Variants in DYNLT2B observed in about 807,000 individuals in gnomAD.
The protein encoded by DYNLT2B is dynein light chain Tctex-type 2B.
DYNLT2B carries 14 observed loss-of-function variants against 19.5 expected under a neutral mutation model. That is an observed-to-expected ratio of 0.72 (90% CI 0.47 to 1.12). DYNLT2B has a LOEUF of 1.12. DYNLT2B is among the 50% of genes most tolerant of loss of function. The probability of loss-of-function intolerance (pLI) is 0.00; values close to 1 mark genes in which losing one functional copy is unlikely to be tolerated. For synonymous variants in DYNLT2B, 70 were observed against 59.7 expected, an observed-to-expected ratio of 1.17 and a Z score of -0.79; for missense variants, 133 against 174.7, an observed-to-expected ratio of 0.76 and a Z score of 1.35.
chr3:196,298,503 AG>A (rs1192689453), intron 3 of DYNLT2B, among the ~76,000 whole-genome samples: 1 of 151,970 alleles, frequency 6.6e-6, no homozygotes, highest in African/African-American at 2.4e-5. Flanking sequence ...TTGTAGAGAC[AG>A]GGTTTCACCA....
Position 196,307,522 on chromosome 3 carries a change from C to T in DYNLT2B, c.248-510G>A, listed in dbSNP as rs138012899. Among the ~76,000 whole-genome samples, 713 of 151,960 alleles carry T rather than the reference C, an allele frequency of 4.7e-3. 8 individuals carry two copies. Among genetic ancestry groups the T allele is most frequent in the African/African-American group, 0.016 (671 of 41,456 alleles). Reference sequence around the variant, plus strand: ...TTCACCATGTTGCCCAGGCTGGTCTCGAACTCCTGACCTCAGGTGATCCAC... The same window carrying T: ...TTCACCATGTTGCCCAGGCTGGTCTTGAACTCCTGACCTCAGGTGATCCAC... On this transcript the variant is annotated intron_variant, in intron 2 of 4. Coordinates refer to ENST00000325318, the MANE Select transcript of DYNLT2B (RefSeq NM_152773.5).
At chr3:196,303,498 CATGTT>C (rs1168177973) in intron 3 of DYNLT2B, among the ~76,000 whole-genome samples, 2 of 152,248 alleles carry the variant, frequency 1.3e-5, no homozygotes, top group Non-Finnish European at 2.9e-5. Context: ...AGTAACATGT[CATGTT>C]GACAGTATGT....
At chr3:196,312,036 A>G (rs1726657136) in intron 2 of DYNLT2B, among the ~76,000 whole-genome samples, 1 of 152,168 alleles carries the variant, frequency 6.6e-6, no homozygotes, top group Non-Finnish European at 1.5e-5. Flanking sequence ...ATGCGCCACC[A>G]CGCCTGGCTA....
intron 4 of DYNLT2B, chr3:196,292,341 C>T (rs6775861): frequency 0.065 from 9,968 of 152,308 alleles, 375 homozygotes; most frequent in South Asian, 0.12. Context: ...AACTCAAGTA[C>T]CTGATGATTA....
In DYNLT2B at chr3:196,307,419, C is replaced by T. The variant is rs548232552; in HGVS notation, c.248-407G>A. Among the ~76,000 whole-genome samples, 64 of 152,266 alleles carry T rather than the reference C, an allele frequency of 4.2e-4. No individual in the cohort carries two copies. The East Asian group carries it at 9.7e-3, about 23-fold the overall frequency. ...CAGGGTTCAAGTGATTCTCCTACCTCAGCCTCCTCAGTAGCTGGGACTACA... is the reference window on the plus strand; with the variant it reads ...CAGGGTTCAAGTGATTCTCCTACCTTAGCCTCCTCAGTAGCTGGGACTACA... On this transcript the variant is annotated intron_variant, in intron 2 of 4. Transcript: ENST00000325318.
chr3:196,306,296 T>G (rs1178560377), intron 3 of DYNLT2B, among the ~76,000 whole-genome samples: 1 of 146,122 alleles, frequency 6.8e-6, no homozygotes, highest in African/African-American at 2.5e-5. Flanking sequence ...GGTGTGGTGG[T>G]GCACACCTGC....
chr3:196,296,214 G>T, intron 3 of DYNLT2B, 145 bp from the exon 4 acceptor site: 1 of 685,706 alleles, frequency 1.5e-6, no homozygotes. Context: ...ACAGAGTATT[G>T]TATTTGTACC....
intron 3 of DYNLT2B, among the ~76,000 whole-genome samples, chr3:196,296,842 G>A (rs961103602): frequency 3.9e-5 from 6 of 152,094 alleles, no homozygotes; most frequent in African/African-American, 1.4e-4. Context: ...TTGAGCCCAG[G>A]AGTTCAGGGA....
At chr3:196,312,309 C>T (rs1407356263) in intron 2 of DYNLT2B, among the ~76,000 whole-genome samples, 1 of 152,056 alleles carries the variant, frequency 6.6e-6, no homozygotes, top group South Asian at 2.1e-4. Flanking sequence ...TGAGCCACCA[C>T]GTCCAGCCAA....
intron 3 of DYNLT2B, among the ~76,000 whole-genome samples, chr3:196,296,560 C>G (rs1475577129): frequency 6.6e-6 from 1 of 152,072 alleles, no homozygotes; most frequent in East Asian, 1.9e-4. Flanking sequence ...TGGCTATTCT[C>G]CTCTCTGCAA....
intron 2 of DYNLT2B, among the ~76,000 whole-genome samples, chr3:196,312,850 C>A (rs879861310): frequency 3.9e-5 from 6 of 152,220 alleles, no homozygotes; most frequent in African/African-American, 4.8e-5. Flanking sequence ...TTTCTGAAAA[C>A]AACTTACAAC....
At chr3:196,314,836 C>CAA (rs902609745) in intron 2 of DYNLT2B, among the ~76,000 whole-genome samples, 4 of 148,792 alleles carry the variant, frequency 2.7e-5, no homozygotes, top group African/African-American at 9.9e-5. Flanking sequence ...CAAAACAAAA[C>CAA]AAAAAAAAAC....
In DYNLT2B at chr3:196,296,909, C is replaced by G. The variant is rs187521780; in HGVS notation, c.318-840G>C. On this transcript the variant is annotated intron_variant, in intron 3 of 4. Coordinates refer to ENST00000325318, the MANE Select transcript of DYNLT2B (RefSeq NM_152773.5). ...CCACTGCACTTCAGCCTGGGAGACA[C>G]AGCAGGACCCTGGCTCTTAAAAAAA... Among the ~76,000 whole-genome samples, 370 of 152,136 alleles carry G rather than the reference C, an allele frequency of 2.4e-3. 2 individuals carry two copies. The highest frequency in any genetic ancestry group is 2.8e-3 in the Admixed American group (43 of 15,266).
intron 2 of DYNLT2B, among the ~76,000 whole-genome samples, chr3:196,314,615 T>C (rs1456969453): frequency 6.6e-6 from 1 of 151,494 alleles, no homozygotes; most frequent in Non-Finnish European, 1.5e-5. Flanking sequence ...GAGCTCAAGA[T>C]CAGCCAGGGC....
At chr3:196,293,503 G>GT (rs1726142089) in intron 4 of DYNLT2B, among the ~76,000 whole-genome samples, 1 of 151,762 alleles carries the variant, frequency 6.6e-6, no homozygotes. Flanking sequence ...GCATGCACCT[G>GT]TAGTCCCAGC....
chr3:196,315,229 C>T (rs1286266250), intron 2 of DYNLT2B: 2 of 420,628 alleles, frequency 4.8e-6, no homozygotes, highest in Non-Finnish European at 9.3e-6. Context: ...ATTCTATTTA[C>T]GTTTTTTTAA....
In DYNLT2B at chr3:196,315,913, T is replaced by C. The variant is rs60670584; in HGVS notation, c.247+185A>G. Among the ~76,000 whole-genome samples the C allele has an allele frequency of 0.55, 84,005 of 151,862 alleles. 23,862 individuals carry two copies. The highest frequency in any genetic ancestry group is 0.9 in the East Asian group (4,613 of 5,138). On this transcript the variant is annotated intron_variant, in intron 2 of 4. Coordinates refer to ENST00000325318, the MANE Select transcript of DYNLT2B (RefSeq NM_152773.5). ...AGACATGAGGCCTCACCATGTTGCC[T>C]AGGCTGGTACTGAACTCCAGAGCTC...
In DYNLT2B at chr3:196,295,424, G is replaced by A. The variant is rs376689491; in HGVS notation, c.381+582C>T. 1.1e-4 allele frequency among the ~76,000 whole-genome samples: 17 copies of A among 152,312 alleles called. No homozygotes were observed. The East Asian group carries it at 2.9e-3, about 26-fold the overall frequency. On this transcript the variant is annotated intron_variant, in intron 4 of 4. Coordinates refer to ENST00000325318, the MANE Select transcript of DYNLT2B (RefSeq NM_152773.5). The stretch of plus-strand genomic sequence containing the variant: ...GATCCGCCCTCCTTGGCCTCCCAAA[G>A]TGCTGGGATTATAGGCATGAGCCAC...
chr3:196,296,207 G>A, intron 3 of DYNLT2B, 138 bp from the exon 4 acceptor site: 1 of 721,838 alleles, frequency 1.4e-6, no homozygotes, highest in Non-Finnish European at 2.4e-6. Flanking sequence ...GGTACCCACA[G>A]AGTATTGTAT....
Sources: allele counts gnomAD v4.1 joint callset (sites outside exome capture counted in the v4.1 genomes callset), GRCh38; gene constraint gnomAD v4.1.1; transcripts MANE v1.5; gene names NCBI Gene and HGNC (gene_info 2026-07-23, HGNC 2026-07-21).